The following ERCC1 variants were observed in gnomAD, a reference collection of about 807,000 sequenced individuals.
The protein encoded by ERCC1 is ERCC excision repair 1, endonuclease non-catalytic subunit, also known as DNA excision repair protein ERCC-1.
In ERCC1, 36 loss-of-function variants were observed where a neutral mutation model predicts 37.6. The observed-to-expected ratio is 0.96, with a 90% confidence interval of 0.73 to 1.26. The LOEUF is 1.26. ERCC1 is among the 50% of genes most tolerant of loss of function. The pLI is 0.00. For missense variants in ERCC1, 349 were observed against 376.5 expected, an observed-to-expected ratio of 0.93 and a Z score of 0.60; for synonymous variants, 156 against 162.1, an observed-to-expected ratio of 0.96 and a Z score of 0.28.
upstream of ERCC1, among the ~76,000 whole-genome samples, chr19:45,427,122 AAAAACAAAC>A (rs1974713704): frequency 6.6e-6 from 1 of 151,584 alleles, no homozygotes; most frequent in Non-Finnish European, 1.5e-5. Flanking sequence ...GAGTGAGACC[AAAAACAAAC>A]AAAACAAAAC....
chr19:45,437,608 G>A (rs1352529387), intron 1 of ERCC1, among the ~76,000 whole-genome samples: 1 of 152,138 alleles, frequency 6.6e-6, no homozygotes. Flanking sequence ...GACACAGAAA[G>A]ACAAACACCA....
At chr19:45,440,607 C>T (rs1347932979) in intron 1 of ERCC1, among the ~76,000 whole-genome samples, 1 of 152,090 alleles carries the variant, frequency 6.6e-6, no homozygotes, top group East Asian at 1.9e-4. Flanking sequence ...TGACCAGGGT[C>T]GGGGCTCAGG....
At chr19:45,433,521 A>C (rs887100918) in intron 1 of ERCC1, among the ~76,000 whole-genome samples, 1 of 148,354 alleles carries the variant, frequency 6.7e-6, no homozygotes, top group African/African-American at 2.6e-5. Flanking sequence ...GTGAGAGTCC[A>C]TCTCAAAAAC....
At chr19:45,448,986 C>CAG (rs1422630313) in intron 1 of ERCC1, among the ~76,000 whole-genome samples, 1 of 152,144 alleles carries the variant, frequency 6.6e-6, no homozygotes, top group Non-Finnish European at 1.5e-5. Context: ...GCCCTCTGTG[C>CAG]AGAATCAAGG....
chr19:45,432,524 A>G (rs1233539134), intron 1 of ERCC1, among the ~76,000 whole-genome samples: 1 of 152,068 alleles, frequency 6.6e-6, no homozygotes, highest in Non-Finnish European at 1.5e-5. Flanking sequence ...ACACATCAAC[A>G]AAAACTCTTT....
chr19:45,408,812 A>G lies in ERCC1; in HGVS notation c.*863T>C, dbSNP rs3212989. The G allele has an allele frequency of 4.0e-3, 6,510 of 1,614,016 alleles. 167 individuals are homozygous for G. In the African/African-American group the frequency reaches 0.07, roughly 17 times the overall value. On this transcript the variant is annotated 3_prime_UTR_variant, in exon 10 of 10. Coordinates refer to ENST00000300853, the MANE Select transcript of ERCC1 (RefSeq NM_001983.4). ...GATTAACACTGAGCCTCTAGAAGAC[A>G]CAGTCCTGTCCCCGACCAAAAAGAG...
At chr19:45,412,601 C>T (rs1023574226) in intron 9 of ERCC1, among the ~76,000 whole-genome samples, 16 of 152,146 alleles carry the variant, frequency 1.1e-4, no homozygotes, top group African/African-American at 3.1e-4. Flanking sequence ...TATATTTTAT[C>T]CTATAGAGTT....
intron 1 of ERCC1, among the ~76,000 whole-genome samples, chr19:45,450,900 C>G (rs1213064656): frequency 1.5e-4 from 15 of 97,740 alleles, no homozygotes; most frequent in Non-Finnish European, 3.0e-4. Context: ...CCCCCCCCCC[C>G]CCCCCACGCC....
chr19:45,413,995 T>A lies in ERCC1; in HGVS notation c.742A>T (p.Thr248Ser), dbSNP rs984915145. Reference protein sequence around the residue: ...CLTTVKSVNKTDSQTLLTTFG... With the variant: ...CLTTVKSVNKSDSQTLLTTFG... Reference sequence around the variant, plus strand: ...GTGGTCAGGAGGGTCTGACTGTCCGTTTTGTTGACTGACTTCACGGTGGTC... The same window carrying A: ...GTGGTCAGGAGGGTCTGACTGTCCGATTTGTTGACTGACTTCACGGTGGTC... The change falls in exon 8 of 10, where the codon ACG becomes TCG. Residue 248 changes from threonine (T) to serine (S), a missense_variant. By Grantham distance (58) the Thr-to-Ser change is moderately conservative (BLOSUM62 1). Transcript: ENST00000300853. The A allele has an allele frequency of 1.2e-6, 2 of 1,613,634 alleles. No individual in the cohort carries two copies. The highest frequency in any genetic ancestry group is 1.7e-6 in the Non-Finnish European group (2 of 1,179,934).
intron 6 of ERCC1, among the ~76,000 whole-genome samples, chr19:45,415,260 G>A (rs968981255): frequency 3.3e-5 from 5 of 151,132 alleles, no homozygotes; most frequent in African/African-American, 7.3e-5. Context: ...GCCTGAACCC[G>A]GGAGGCGGAG....
intron 1 of ERCC1, among the ~76,000 whole-genome samples, chr19:45,436,892 G>T (rs1974994435): frequency 6.6e-6 from 1 of 152,068 alleles, no homozygotes; most frequent in South Asian, 2.1e-4. Context: ...AAGAGTTGGA[G>T]ATCAACCTGG....
At chr19:45,423,545 G>T in intron 1 of ERCC1, 164 bp from the exon 2 acceptor site, 1 of 1,440,874 alleles carries the variant, frequency 6.9e-7, no homozygotes, top group Non-Finnish European at 9.1e-7. Flanking sequence ...ACGCCCCTTT[G>T]ACCTCCACCT....
At chr19:45,444,983 A>G (rs1404372804) in intron 1 of ERCC1, among the ~76,000 whole-genome samples, 2 of 152,038 alleles carry the variant, frequency 1.3e-5, no homozygotes, top group Non-Finnish European at 2.9e-5. Flanking sequence ...TGGCATGTAC[A>G]CTCATCATTC....
At chr19:45,436,545 GA>G (rs1254804253) in intron 1 of ERCC1, 1 of 152,244 alleles carries the variant, frequency 6.6e-6, no homozygotes. Flanking sequence ...AGAATGGCGT[GA>G]ACCCAGGAGG....
chr19:45,411,982 G>A (rs1351630949), intron 9 of ERCC1, among the ~76,000 whole-genome samples: 4 of 150,232 alleles, frequency 2.7e-5, no homozygotes, highest in South Asian at 2.1e-4. Flanking sequence ...TCAGCCTCCC[G>A]AGTAGCTGGG....
rs1599831550 is a variant in ERCC1, at chr19:45,419,202, T to G, written c.426-5A>C. 1 of 1,583,154 alleles carries G rather than the reference T, an allele frequency of 6.3e-7. No homozygotes were observed. Among genetic ancestry groups the G allele is most frequent in the Non-Finnish European group, 8.6e-7 (1 of 1,162,754 alleles). On this transcript the variant is annotated splice_polypyrimidine_tract_variant and splice_region_variant and intron_variant, in intron 4 of 9. Coordinates refer to ENST00000300853, the MANE Select transcript of ERCC1 (RefSeq NM_001983.4). ...TGCAGGTTGTGGTAGCGGAGGCTGG[T>G]GGGGGCAGGGAGCGGGAGTTGAGAG...
At chr19:45,424,180 C>A, upstream of ERCC1, 1 of 372,234 alleles carries the variant, frequency 2.7e-6, no homozygotes, top group Non-Finnish European at 3.8e-6. Context: ...AGTTTGAATC[C>A]AACTCAGACA....
At chr19:45,411,904 T>TG (rs1324040661) in intron 9 of ERCC1, among the ~76,000 whole-genome samples, 2 of 151,834 alleles carry the variant, frequency 1.3e-5, no homozygotes, top group Non-Finnish European at 2.9e-5. Flanking sequence ...TCACCCAGGC[T>TG]GGAGTGCAGT....
chr19:45,408,089 T>C lies in ERCC1; in HGVS notation c.*1586A>G. 1 of 1,504,438 alleles carries C rather than the reference T, an allele frequency of 6.6e-7. No homozygotes were observed. The highest frequency in any genetic ancestry group is 9.0e-7 in the Non-Finnish European group (1 of 1,114,892). 93.2% of individuals were successfully genotyped at this position (1,504,438 alleles called of 1,614,324 possible). On this transcript the variant is annotated 3_prime_UTR_variant, in exon 10 of 10. Coordinates refer to ENST00000300853, the MANE Select transcript of ERCC1 (RefSeq NM_001983.4). ...AAAAAAAATCAAAAAACCTTCCCTCTCCTGTTCCACTTAAGCCTCTGCCCT... is the reference window on the plus strand; with the variant it reads ...AAAAAAAATCAAAAAACCTTCCCTCCCCTGTTCCACTTAAGCCTCTGCCCT...
Sources: gnomAD v4.1 joint callset for allele counts (sites outside exome capture counted in the v4.1 genomes callset) on GRCh38, gnomAD v4.1.1 for gene constraint, MANE v1.5 for transcripts, NCBI Gene and HGNC (gene_info 2026-07-23, HGNC 2026-07-21) for gene names.